The following FHIT variants were observed in gnomAD, a reference collection of about 807,000 sequenced individuals.
FHIT encodes bis(5'-adenosyl)-triphosphatase.
FHIT carries 19 observed loss-of-function variants against 17.9 expected under a neutral mutation model. The observed-to-expected ratio is 1.06, with a 90% CI of 0.74 to 1.56. FHIT has a LOEUF of 1.56. FHIT is among the 40% of genes most tolerant of loss of function. FHIT has a pLI of 0.00. For synonymous variants in FHIT, 81 were observed against 69.7 expected, an observed-to-expected ratio of 1.16 and a Z score of -0.81; for missense variants, 248 against 189.2, an observed-to-expected ratio of 1.31 and a Z score of -1.82.
At chr3:60,689,905 C>T (rs539469364) in intron 4 of FHIT, among the ~76,000 whole-genome samples, 1 of 152,206 alleles carries the variant, frequency 6.6e-6, no homozygotes, top group East Asian at 1.9e-4. Context: ...CATTTGCATT[C>T]AGTATTATAA....
At chr3:60,574,888 T>G (rs2037513804) in intron 4 of FHIT, among the ~76,000 whole-genome samples, 1 of 144,928 alleles carries the variant, frequency 6.9e-6, no homozygotes, top group Non-Finnish European at 1.5e-5. Context: ...ACCCCCCATG[T>G]TTTATCATAG....
chr3:60,169,779 T>C (rs528543926), intron 5 of FHIT, among the ~76,000 whole-genome samples: 1 of 152,152 alleles, frequency 6.6e-6, no homozygotes, highest in Non-Finnish European at 1.5e-5. Flanking sequence ...TAGAAGAACT[T>C]GGATCTCCGA....
intron 4 of FHIT, among the ~76,000 whole-genome samples, chr3:60,772,131 C>A (rs976660222): frequency 2.7e-5 from 4 of 149,622 alleles, no homozygotes; most frequent in Admixed American, 1.3e-4. Flanking sequence ...CTATCTGTGG[C>A]CTGGAAGCTG....
At chr3:60,902,746 A>T (rs1237365586) in intron 3 of FHIT, among the ~76,000 whole-genome samples, 1 of 152,212 alleles carries the variant, frequency 6.6e-6, no homozygotes, top group Non-Finnish European at 1.5e-5. Context: ...ACCTAGTTTG[A>T]GCACCTGGAT....
intron 3 of FHIT, among the ~76,000 whole-genome samples, chr3:61,024,426 T>A (rs377748808): frequency 6.6e-6 from 1 of 152,314 alleles, no homozygotes; most frequent in African/African-American, 2.4e-5. Flanking sequence ...TCAAAGAGGC[T>A]GAGCTAAGAA....
intron 2 of FHIT, among the ~76,000 whole-genome samples, chr3:61,099,588 C>A (rs1390280048): frequency 6.6e-6 from 1 of 152,082 alleles, no homozygotes; most frequent in African/African-American, 2.4e-5. Flanking sequence ...GTCTAAATTT[C>A]AGAGCTCCCT....
In FHIT at chr3:61,093,261, G is replaced by A. The variant is rs143185495; in HGVS notation, c.-163-51162C>T. On this transcript the variant is annotated intron_variant, in intron 2 of 9. Coordinates refer to ENST00000492590, the MANE Select transcript of FHIT (RefSeq NM_002012.4). Reference sequence around the variant, plus strand: ...CTATGTATGGAGAGAGAGAGAGAGAGACTGAGAAAGCATACAAAAGAGCAA... The same window carrying A: ...CTATGTATGGAGAGAGAGAGAGAGAAACTGAGAAAGCATACAAAAGAGCAA... 7.0e-3 allele frequency among the ~76,000 whole-genome samples: 1,064 copies of A among 152,270 alleles called. 7 individuals carry two copies. The highest frequency in any genetic ancestry group is 0.019 in the South Asian group (92 of 4,820).
intron 5 of FHIT, among the ~76,000 whole-genome samples, chr3:60,107,365 T>A (rs1428589358): frequency 6.6e-6 from 1 of 152,142 alleles, no homozygotes; most frequent in East Asian, 1.9e-4. Flanking sequence ...CATATTCTAA[T>A]CTTATCAGAA....
At chr3:60,186,035 T>C (rs540240451) in intron 5 of FHIT, among the ~76,000 whole-genome samples, 5 of 152,348 alleles carry the variant, frequency 3.3e-5, no homozygotes, top group African/African-American at 1.2e-4. Flanking sequence ...GGGTTCTTTC[T>C]ATATTATGGA....
intron 4 of FHIT, chr3:60,617,098 G>T: frequency 4.6e-6 from 1 of 219,366 alleles, no homozygotes; most frequent in South Asian, 7.9e-5. Context: ...TGTTCCCAAT[G>T]AGCAGGACCT....
At chr3:60,104,095 C>T (rs185530712) in intron 5 of FHIT, among the ~76,000 whole-genome samples, 3 of 152,142 alleles carry the variant, frequency 2.0e-5, no homozygotes, top group Non-Finnish European at 2.9e-5. Context: ...CTTTTTAAAC[C>T]ATGCCACAGG....
At chr3:60,763,290 T>C (rs782116372) in intron 4 of FHIT, among the ~76,000 whole-genome samples, 22 of 152,222 alleles carry the variant, frequency 1.4e-4, no homozygotes, top group Non-Finnish European at 2.8e-4. Context: ...GTTATGATTG[T>C]ATTCACTTAA....
chr3:60,790,579 G>A (rs958265840), intron 4 of FHIT, among the ~76,000 whole-genome samples: 5 of 152,128 alleles, frequency 3.3e-5, no homozygotes, highest in African/African-American at 4.8e-5. Flanking sequence ...AAAGGATAGA[G>A]CGAAACTTCC....
At chr3:60,745,381 G>C (rs143979442) in intron 4 of FHIT, among the ~76,000 whole-genome samples, 3 of 152,152 alleles carry the variant, frequency 2.0e-5, no homozygotes, top group Admixed American at 6.5e-5. Flanking sequence ...CAGTGAGATT[G>C]GTGTGGAGAA....
chr3:59,823,348 G>A (rs537158544), intron 8 of FHIT, among the ~76,000 whole-genome samples: 3 of 152,202 alleles, frequency 2.0e-5, no homozygotes, highest in Non-Finnish European at 4.4e-5. Context: ...GTATTTTTAT[G>A]GGAATTGCAT....
intron 5 of FHIT, among the ~76,000 whole-genome samples, chr3:60,448,888 G>C (rs1447184593): frequency 6.6e-6 from 1 of 152,112 alleles, no homozygotes; most frequent in Non-Finnish European, 1.5e-5. Flanking sequence ...TCATTTTATA[G>C]GGATATCACA....
At chr3:60,660,507 C>A (rs2040214903) in intron 4 of FHIT, among the ~76,000 whole-genome samples, 1 of 152,046 alleles carries the variant, frequency 6.6e-6, no homozygotes, top group Admixed American at 6.6e-5. Context: ...TCAATAGACT[C>A]TAGAGTTCTA....
chr3:59,975,886 T>C lies in FHIT; in HGVS notation c.279+35485A>G, dbSNP rs1708387330. ...ATCCAACCTACATGACCTAGATTTCTGATTATCTGGCTCCACTTCCTTTAC... is the reference window on the plus strand; with the variant it reads ...ATCCAACCTACATGACCTAGATTTCCGATTATCTGGCTCCACTTCCTTTAC... On this transcript the variant is annotated intron_variant, in intron 7 of 9. Coordinates refer to ENST00000492590, the MANE Select transcript of FHIT (RefSeq NM_002012.4). Among the ~76,000 whole-genome samples, 3 of 152,110 alleles carry C rather than the reference T, an allele frequency of 2.0e-5. 1 individual carries two copies. In the South Asian group the frequency reaches 6.2e-4, roughly 32 times the overall value.
At chr3:61,188,143 G>A (rs1206144392) in intron 2 of FHIT, among the ~76,000 whole-genome samples, 3 of 152,128 alleles carry the variant, frequency 2.0e-5, no homozygotes, top group Admixed American at 6.5e-5. Flanking sequence ...GAATCCAGGA[G>A]CTGGTTTTTT....
Sources: gnomAD v4.1 joint callset for allele counts (sites outside exome capture counted in the v4.1 genomes callset) on GRCh38, gnomAD v4.1.1 for gene constraint, MANE v1.5 for transcripts, NCBI Gene and HGNC (gene_info 2026-07-23, HGNC 2026-07-21) for gene names.